The following CCDC175 variants were observed in gnomAD, a reference collection of about 807,000 sequenced individuals.
CCDC175 encodes the protein coiled-coil domain containing 175.
CCDC175 carries 100 observed loss-of-function variants against 114.6 expected under a neutral mutation model. The observed-to-expected ratio is 0.87, with a 90% CI of 0.74 to 1.03. The LOEUF is 1.03. CCDC175 is among the 50% of genes least tolerant of loss of function. CCDC175 has a pLI of 0.00. For missense variants in CCDC175, 880 were observed against 917.8 expected, an observed-to-expected ratio of 0.96 and a Z score of 0.53; for synonymous variants, 306 against 308.7, an observed-to-expected ratio of 0.99 and a Z score of 0.09.
intron 5 of CCDC175, 38 bp downstream of exon 5, chr14:59,565,009 A>G (rs1896439810): frequency 2.2e-6 from 3 of 1,345,856 alleles, no homozygotes; most frequent in Non-Finnish European, 1.0e-6. Context: ...CAGATTCTAT[A>G]CATTATTGTA....
intron 6 of CCDC175, among the ~76,000 whole-genome samples, chr14:59,562,629 G>C (rs144969443): frequency 1.3e-5 from 2 of 152,142 alleles, no homozygotes; most frequent in Non-Finnish European, 2.9e-5. Flanking sequence ...GGAAGGACCC[G>C]GAGGCAAATT....
At chr14:59,514,032 CG>C (rs1418735063) in intron 17 of CCDC175, among the ~76,000 whole-genome samples, 3 of 152,208 alleles carry the variant, frequency 2.0e-5, no homozygotes, top group Non-Finnish European at 4.4e-5. Flanking sequence ...CTGCAGCCTC[CG>C]CTGCTGATAC....
At chr14:59,531,656 G>C (rs1018285406) in intron 14 of CCDC175, 116 bp downstream of exon 14, 23 of 682,892 alleles carry the variant, frequency 3.4e-5, no homozygotes, top group Non-Finnish European at 5.3e-5. Flanking sequence ...AAAGGTAATG[G>C]GGAAAGTTTG....
At position 59,527,106 on chromosome 14, in the gene CCDC175, T is replaced by G; in HGVS notation, c.1831A>C (p.Ile611Leu). 1 of 1,452,698 alleles carries G rather than the reference T, an allele frequency of 6.9e-7. No homozygotes were observed. Among genetic ancestry groups the G allele is most frequent in the Non-Finnish European group, 9.1e-7 (1 of 1,095,240 alleles). The allele number at this position is 1,452,698 out of a possible 1,614,324, so 90.0% of individuals were successfully genotyped here. A position where few individuals can be genotyped will look rare whatever the true frequency, so the allele number is the denominator to read the frequency against. The change falls in exon 15 of 20, where the codon ATT becomes CTT. Residue 611 changes from isoleucine (I) to leucine (L), a missense_variant. Transcript: ENST00000537690. Reference protein sequence around the residue: ...FLFTRDFSRYISNMEDVKQEL... With the variant: ...FLFTRDFSRYLSNMEDVKQEL... ...CATTGATCTTTTACCATGTTGCTAA[T>G]GTATCTTGAAAAGTCCCTTGTAAAC...
chr14:59,563,814 A>C lies in CCDC175; in HGVS notation c.766T>G (p.Tyr256Asp). 2.8e-6 allele frequency: 4 copies of C among 1,439,126 alleles called. No homozygotes were observed. The highest frequency in any genetic ancestry group is 3.7e-6 in the Non-Finnish European group (4 of 1,095,670). 89.1% of individuals were successfully genotyped at this position (1,439,126 alleles called of 1,614,324 possible). The change falls in exon 6 of 20, where the codon TAT (tyrosine) becomes GAT (aspartate). Residue 256 changes from tyrosine (Y) to aspartate (D), a missense_variant. Physicochemically the swap from Tyr to Asp is radical, Grantham distance 160 (BLOSUM62 -3). Transcript: ENST00000537690. ...NTREVKRMET[Y>D]QKKKELDKLQ... ...TTATCCAATTCTTTCTTCTTTTGAT[A>C]AGTCTCCATTCTCTTTACTTCACGG...
At chr14:59,506,518 C>G (rs1892406232) in intron 19 of CCDC175, among the ~76,000 whole-genome samples, 1 of 152,012 alleles carries the variant, frequency 6.6e-6, no homozygotes, top group Non-Finnish European at 1.5e-5. Context: ...GCACTCCTGA[C>G]CTCAAGTGAT....
intron 8 of CCDC175, among the ~76,000 whole-genome samples, chr14:59,547,421 A>T (rs1444111654): frequency 1.3e-5 from 2 of 152,216 alleles, no homozygotes; most frequent in African/African-American, 2.4e-5. Context: ...TGAAGAACAA[A>T]GGTGAAGGAT....
intron 7 of CCDC175, among the ~76,000 whole-genome samples, chr14:59,555,242 A>C (rs12878965): frequency 0.14 from 20,941 of 152,168 alleles, 1,630 homozygotes; most frequent in South Asian, 0.25. Flanking sequence ...CGAATCCAGC[A>C]GCACATCAAA....
intron 7 of CCDC175, among the ~76,000 whole-genome samples, chr14:59,552,563 C>T (rs549075769): frequency 1.1e-3 from 160 of 152,174 alleles, no homozygotes; most frequent in African/African-American, 3.2e-3. Context: ...CAGAGCACCT[C>T]CCCCCCTCCA....
intron 19 of CCDC175, chr14:59,505,545 A>G (rs984909900): frequency 3.3e-6 from 1 of 305,934 alleles, no homozygotes; most frequent in South Asian, 1.4e-4. Context: ...TTCTAGCAGA[A>G]AAGTATATAT....
chr14:59,517,329 G>T (rs1227469658), intron 17 of CCDC175, among the ~76,000 whole-genome samples: 1 of 152,114 alleles, frequency 6.6e-6, no homozygotes, highest in South Asian at 2.1e-4. Flanking sequence ...GGGCAATCAG[G>T]CAGGAGAAGG....
At chr14:59,551,573 C>T (rs989898333) in intron 7 of CCDC175, 137 bp from the exon 8 acceptor site, 21 of 495,380 alleles carry the variant, frequency 4.2e-5, no homozygotes, top group African/African-American at 3.6e-4. Flanking sequence ...TCTGCATTTC[C>T]AACCGAAGTA....
At chr14:59,521,726 T>A (rs1329014426) in intron 16 of CCDC175, 50 bp from the exon 17 acceptor site, 1 of 1,006,696 alleles carries the variant, frequency 9.9e-7, no homozygotes, top group Non-Finnish European at 1.5e-6. Context: ...TTACTATAGA[T>A]AAATTATCAT....
At chr14:59,575,307 A>G (rs1897047354) in intron 1 of CCDC175, among the ~76,000 whole-genome samples, 1 of 151,752 alleles carries the variant, frequency 6.6e-6, no homozygotes, top group Non-Finnish European at 1.5e-5. Flanking sequence ...TTTTTTTCCT[A>G]TGAAATATGT....
At chr14:59,522,109 AAGTC>A (rs1404760257) in intron 16 of CCDC175, among the ~76,000 whole-genome samples, 3 of 152,248 alleles carry the variant, frequency 2.0e-5, no homozygotes, top group African/African-American at 7.2e-5. Context: ...TTACTTACTC[AAGTC>A]AGATGTTCAC....
chr14:59,573,581 T>C (rs571842042), intron 2 of CCDC175, among the ~76,000 whole-genome samples: 21 of 151,114 alleles, frequency 1.4e-4, no homozygotes, highest in Admixed American at 2.0e-4. Context: ...GTATTACTTT[T>C]AAAAATAAAA....
chr14:59,511,914 T>G, intron 17 of CCDC175, 111 bp from the exon 18 acceptor site: 1 of 775,548 alleles, frequency 1.3e-6, no homozygotes, highest in Non-Finnish European at 2.1e-6. Flanking sequence ...TCTAAAAATG[T>G]CTAGTTCCAA....
rs191382569 is a variant in CCDC175, at chr14:59,543,477, T to C, written c.1173-23A>G. On this transcript the variant is annotated intron_variant, in intron 9 of 19. Coordinates refer to ENST00000537690, the MANE Select transcript of CCDC175 (RefSeq NM_001164399.2). ...TTTCTATCATGAAAAACAGAGTTAT[T>C]TGTTGAAGGCTGACATAAATATGCA... The C allele has an allele frequency of 4.9e-5, 48 of 986,666 alleles. No individual in the cohort carries two copies. The East Asian group carries it at 1.3e-3, about 27-fold the overall frequency. 61.1% of individuals were successfully genotyped at this position (986,666 alleles called of 1,614,324 possible). A position where few individuals can be genotyped will look rare whatever the true frequency, so the allele number is the denominator to read the frequency against.
chr14:59,507,001 TTAAAAA>T (rs1356464086), intron 19 of CCDC175, among the ~76,000 whole-genome samples: 1 of 152,244 alleles, frequency 6.6e-6, no homozygotes, highest in Non-Finnish European at 1.5e-5. Flanking sequence ...TCTTTTTACT[TTAAAAA>T]TAACTGTACT....
Sources: allele counts gnomAD v4.1 joint callset (sites outside exome capture counted in the v4.1 genomes callset), GRCh38; gene constraint gnomAD v4.1.1; transcripts MANE v1.5; gene names NCBI Gene and HGNC (gene_info 2026-07-23, HGNC 2026-07-21).